Variants in MGST1 observed in about 807,000 individuals in gnomAD.
The protein encoded by MGST1 is microsomal glutathione S-transferase 1.
MGST1 carries 5 observed loss-of-function variants against 8.9 expected under a neutral mutation model. The observed-to-expected ratio is 0.56, with a 90% CI of 0.29 to 1.19. MGST1 has a LOEUF of 1.19. Ranked by LOEUF, MGST1 falls within the 50% of genes most tolerant of loss-of-function variation. The pLI is 0.08. For synonymous variants in MGST1, 54 were observed against 67.8 expected (o/e 0.80, Z 1.00); for missense variants, 182 against 187.4 (o/e 0.97, Z 0.17).
At position 16,519,682 on chromosome 12, in the gene MGST1, T is replaced by C. The variant is rs528859207; in HGVS notation, n.483-69846T>C. On this transcript the variant is annotated intron_variant and non_coding_transcript_variant, in intron 4 of 4. Transcript: ENST00000538857. ...GTTTCAGCTGACTACAACTCTGTCT[T>C]CATAACTCCACCTTTCTCATTATGA... Among the ~76,000 whole-genome samples, 96 of 152,326 alleles carry C rather than the reference T, an allele frequency of 6.3e-4. 2 individuals carry two copies. The South Asian group carries it at 0.02, about 31-fold the overall frequency.
chr12:16,484,631 A>T (rs1361776024), intron 4 of MGST1, among the ~76,000 whole-genome samples: 1 of 152,116 alleles, frequency 6.6e-6, no homozygotes, highest in Non-Finnish European at 1.5e-5. Context: ...TGGCTGGAGC[A>T]GGAGGAAGAG....
At chr12:16,480,216 C>T (rs1489321282) in intron 4 of MGST1, among the ~76,000 whole-genome samples, 1 of 148,736 alleles carries the variant, frequency 6.7e-6, no homozygotes, top group African/African-American at 2.5e-5. Flanking sequence ...GATCTCGGCT[C>T]ACTGGAACCT....
chr12:16,584,088 G>A lies in MGST1; in HGVS notation n.483-5440G>A, dbSNP rs557883955. ...AGGAGGCTCAACAAGTTAGGGCTTGGTTTCAAGTGAGTCATCTCTAAGCCT... is the reference window on the plus strand; with the variant it reads ...AGGAGGCTCAACAAGTTAGGGCTTGATTTCAAGTGAGTCATCTCTAAGCCT... On this transcript the variant is annotated intron_variant and non_coding_transcript_variant, in intron 4 of 4. Transcript: ENST00000538857. This position sits in a 1 kb window ranked among gnomAD's most constrained non-coding sequence, Gnocchi z 5.2. 3.3e-5 allele frequency among the ~76,000 whole-genome samples: 5 copies of A among 152,278 alleles called. No homozygotes were observed. The highest frequency in any genetic ancestry group is 1.2e-4 in the African/African-American group (5 of 41,554).
chr12:16,418,776 G>A (rs926681793), intron 1 of MGST1, among the ~76,000 whole-genome samples: 4 of 152,046 alleles, frequency 2.6e-5, no homozygotes, highest in Non-Finnish European at 5.9e-5. Flanking sequence ...TTACACTTGG[G>A]AATAAATAAA....
rs146089003 is a variant in MGST1, at chr12:16,483,090, C to T, written n.482+99486C>T. 4.9e-4 allele frequency among the ~76,000 whole-genome samples: 74 copies of T among 152,222 alleles called. No individual in the cohort carries two copies. The East Asian group carries it at 0.01, about 21-fold the overall frequency. On this transcript the variant is annotated intron_variant and non_coding_transcript_variant, in intron 4 of 4. Coordinates refer to the MGST1 transcript ENST00000538857. ...TATCTGGAATAAATGCCCTATATGC[C>T]CATAGATGCCAGGTTTGTTTACCAT...
intron 4 of MGST1, among the ~76,000 whole-genome samples, chr12:16,499,336 T>G (rs886930883): frequency 2.6e-5 from 4 of 152,198 alleles, no homozygotes; most frequent in Non-Finnish European, 5.9e-5. Flanking sequence ...GAATATTTAA[T>G]TTTTCAGGCA....
intron 4 of MGST1, among the ~76,000 whole-genome samples, chr12:16,564,452 G>C (rs1942518614): frequency 6.6e-6 from 1 of 152,198 alleles, no homozygotes; most frequent in South Asian, 2.1e-4. Flanking sequence ...TAACGTTCCT[G>C]CGGACTGGGG....
In MGST1 at chr12:16,363,296, AAATT is replaced by A. The variant is rs1348699149; in HGVS notation, c.222-493_222-490del. Reference sequence around the variant, plus strand: ...ATGAGAGTCTTGATATTAAATTGGTAAATTAATTATTGGCAACCTAGTGGTTTGG... The same window carrying A: ...ATGAGAGTCTTGATATTAAATTGGTAAATTATTGGCAACCTAGTGGTTTGG... On this transcript the variant is annotated intron_variant, in intron 3 of 3. Coordinates refer to ENST00000396210, the MANE Select transcript of MGST1 (RefSeq NM_020300.5). The surrounding 1 kb of genome is among the most constrained non-coding windows in gnomAD (Gnocchi z 4.6). The A allele has an allele frequency of 2.6e-5, 4 of 152,228 alleles. No individual in the cohort carries two copies. The highest frequency in any genetic ancestry group is 9.6e-5 in the African/African-American group (4 of 41,454). 9.4% of individuals were successfully genotyped at this position (152,228 alleles called of 1,614,324 possible).
At position 16,559,708 on chromosome 12, in the gene MGST1, T is replaced by G. The variant is rs1206560622; in HGVS notation, n.483-29820T>G. 6.6e-6 allele frequency among the ~76,000 whole-genome samples: 1 copy of G among 151,808 alleles called. No individual in the cohort carries two copies. Among genetic ancestry groups the G allele is most frequent in the African/African-American group, 2.4e-5 (1 of 41,282 alleles). On this transcript the variant is annotated intron_variant and non_coding_transcript_variant, in intron 4 of 4. Coordinates refer to the MGST1 transcript ENST00000538857. The surrounding 1 kb of genome is among the most constrained non-coding windows in gnomAD (Gnocchi z 4.1). ...GCTCATGCCTATAATCCCTGCACTT[T>G]GGGAGGTGGAGGTGGGAGGATTGCT...
chr12:16,528,062 A>G (rs1189929044), intron 4 of MGST1, among the ~76,000 whole-genome samples: 1 of 152,030 alleles, frequency 6.6e-6, no homozygotes, highest in Non-Finnish European at 1.5e-5. Flanking sequence ...TCTGTGAAAA[A>G]GGGTTGACAG....
At chr12:16,406,475 T>C (rs1031447163) in intron 1 of MGST1, among the ~76,000 whole-genome samples, 1 of 152,224 alleles carries the variant, frequency 6.6e-6, no homozygotes, top group Admixed American at 6.5e-5. Context: ...ATCATTAAAA[T>C]GACCATAATG....
At chr12:16,549,242 C>G (rs1941898503) in intron 4 of MGST1, 2 of 152,068 alleles carry the variant, frequency 1.3e-5, no homozygotes, top group South Asian at 4.1e-4. Context: ...CTTCATGAAA[C>G]AAGTGTAAGG....
intron 4 of MGST1, among the ~76,000 whole-genome samples, chr12:16,494,099 G>A (rs1941455778): frequency 6.6e-6 from 1 of 152,014 alleles, no homozygotes; most frequent in South Asian, 2.1e-4. Flanking sequence ...GTGAGCTAAT[G>A]GCATAAAAGC....
intron 4 of MGST1, among the ~76,000 whole-genome samples, chr12:16,525,318 C>CCA (rs1941677536): frequency 7.2e-6 from 1 of 138,566 alleles, no homozygotes; most frequent in African/African-American, 2.7e-5. Context: ...ACAACAGTCC[C>CCA]CAGTGTGATA....
Position 16,449,272 on chromosome 12 carries a change from A to G in MGST1, n.482+65668A>G, listed in dbSNP as rs569247559. ...CGGGAGGTCAGTGTATCACATAGCA[A>G]GAGCAGAGCAAGAGCAAGAGTAGAG... On this transcript the variant is annotated intron_variant and non_coding_transcript_variant, in intron 4 of 4. Coordinates refer to the MGST1 transcript ENST00000538857. Among the ~76,000 whole-genome samples, 85 of 152,004 alleles carry G rather than the reference A, an allele frequency of 5.6e-4. 1 individual carries two copies. Among genetic ancestry groups the G allele is most frequent in the Admixed American group, 2.2e-3 (33 of 15,254 alleles).
chr12:16,467,661 A>G (rs1226414094), intron 4 of MGST1, among the ~76,000 whole-genome samples: 5 of 152,184 alleles, frequency 3.3e-5, no homozygotes, highest in African/African-American at 9.7e-5. Flanking sequence ...TTCACCTTCA[A>G]CATTTGATAT....
intron 4 of MGST1, among the ~76,000 whole-genome samples, chr12:16,459,858 G>A (rs1332435594): frequency 6.6e-6 from 1 of 152,068 alleles, no homozygotes; most frequent in East Asian, 1.9e-4. Flanking sequence ...TTATGGGAAA[G>A]TCTCCCGTGG....
chr12:16,579,206 A>G (rs930192367), intron 4 of MGST1, among the ~76,000 whole-genome samples: 1 of 152,188 alleles, frequency 6.6e-6, no homozygotes, highest in African/African-American at 2.4e-5. Flanking sequence ...CACATAATTT[A>G]GATATTTAGG....
chr12:16,527,838 G>T (rs1327438165), intron 4 of MGST1, among the ~76,000 whole-genome samples: 4 of 151,894 alleles, frequency 2.6e-5, no homozygotes, highest in Non-Finnish European at 4.4e-5. Flanking sequence ...AGCCTTTATT[G>T]TCTGGCCCAG....
Sources: gnomAD v4.1 joint callset for allele counts (sites outside exome capture counted in the v4.1 genomes callset) on GRCh38, gnomAD v4.1.1 for gene constraint, Gnocchi (gnomAD v3.1) non-coding constraint, MANE v1.5 for transcripts, NCBI Gene and HGNC (gene_info 2026-07-23, HGNC 2026-07-21) for gene names.